The following ESR1 variants were observed in gnomAD, a reference collection of about 807,000 sequenced individuals.
The protein encoded by ESR1 is estrogen receptor.
A neutral mutation model predicts 52.7 loss-of-function variants in ESR1; 12 were observed. The observed-to-expected ratio is 0.23, with a 90% CI of 0.15 to 0.37. The LOEUF (loss-of-function observed/expected upper bound fraction) is 0.37. ESR1 is among the 10% of genes least tolerant of loss of function. The pLI, the probability that ESR1 is intolerant of heterozygous loss-of-function variation, is 1.00. For missense variants in ESR1, 584 were observed against 779.7 expected, an observed-to-expected ratio of 0.75 and a Z score of 2.99; for synonymous variants, 305 against 316.8, an observed-to-expected ratio of 0.96 and a Z score of 0.39.
chr6:151,777,788 C>A (rs1786153581), intron 2 of ESR1, among the ~76,000 whole-genome samples: 2 of 151,948 alleles, frequency 1.3e-5, no homozygotes, highest in African/African-American at 4.8e-5. Context: ...GGGGAAATCC[C>A]AACCCTACTA....
At chr6:152,078,370 TC>T (rs1327441802) in intron 6 of ESR1, among the ~76,000 whole-genome samples, 1 of 152,232 alleles carries the variant, frequency 6.6e-6, no homozygotes, top group Non-Finnish European at 1.5e-5. Context: ...GCCTTTCTTT[TC>T]ACAGAAAGCC....
rs2050886823 is a variant in ESR1 at position 152,099,527 on chromosome 6, T to A, written c.*561T>A. On this transcript the variant is annotated 3_prime_UTR_variant, in exon 8 of 8. Coordinates refer to ENST00000206249, the MANE Select transcript of ESR1 (RefSeq NM_000125.4). The stretch of plus-strand genomic sequence containing the variant: ...GCTTTTATATGACTGTAGCAGAGTA[T>A]CTGGTGATTGTCAATTCATTCCCCC... 1 of 245,698 alleles carries A rather than the reference T, an allele frequency of 4.1e-6. No individual in the cohort carries two copies. Among genetic ancestry groups the A allele is most frequent in the Admixed American group, 5.0e-5 (1 of 20,172 alleles). 15.2% of individuals were successfully genotyped at this position (245,698 alleles called of 1,614,324 possible). A position where few individuals can be genotyped will look rare whatever the true frequency, so the allele number is the denominator to read the frequency against.
rs755252032 is a variant in ESR1, at chr6:151,988,771, G to A, written c.1097-22885G>A. Among the ~76,000 whole-genome samples, 5 of 151,942 alleles carry A rather than the reference G, an allele frequency of 3.3e-5. No homozygotes were observed. The South Asian group carries it at 8.3e-4, about 25-fold the overall frequency. On this transcript the variant is annotated intron_variant, in intron 4 of 7. Transcript: ENST00000206249. The stretch of plus-strand genomic sequence containing the variant: ...CCTCCAAAAAGGATATATTTGCATC[G>A]GAGTTATATTTGTATATGAGTATAT...
At chr6:152,059,429 A>G (rs2047374340) in intron 5 of ESR1, among the ~76,000 whole-genome samples, 1 of 152,024 alleles carries the variant, frequency 6.6e-6, no homozygotes, top group Non-Finnish European at 1.5e-5. Flanking sequence ...AGAAAATACC[A>G]GGAACAACAT....
chr6:151,696,882 G>A (rs1197728668), intron 1 of ESR1, among the ~76,000 whole-genome samples: 1 of 152,154 alleles, frequency 6.6e-6, no homozygotes, highest in Non-Finnish European at 1.5e-5. Context: ...GGTAGGAAGC[G>A]ACTCTTGACC....
intron 3 of ESR1, among the ~76,000 whole-genome samples, chr6:151,916,346 A>G (rs958460995): frequency 6.6e-6 from 1 of 152,232 alleles, no homozygotes; most frequent in Admixed American, 6.5e-5. Flanking sequence ...GTTCAATTCA[A>G]TACATGAAAC....
chr6:151,861,852 C>T (rs1583760127), intron 2 of ESR1, among the ~76,000 whole-genome samples: 1 of 151,728 alleles, frequency 6.6e-6, no homozygotes, highest in Non-Finnish European at 1.5e-5. Flanking sequence ...GGATTTTTTG[C>T]GTAGGACCAA....
chr6:152,122,649 G>A (rs764225194), intron 6 of ESR1: 1 of 1,614,054 alleles, frequency 6.2e-7, no homozygotes, highest in East Asian at 2.2e-5. Context: ...GCTCAGAAAG[G>A]GAGGAATCGG....
In ESR1 at chr6:151,946,529, C is replaced by T. The variant is rs143943819; in HGVS notation, c.1096+2021C>T. On this transcript the variant is annotated intron_variant, in intron 4 of 7. Transcript: ENST00000206249. ...ATAGTTAAAATACAATTATTAAAGC[C>T]AGAGCTAGACAAAATTATGGCAATG... Among the ~76,000 whole-genome samples, 596 of 152,126 alleles carry T rather than the reference C, an allele frequency of 3.9e-3. 2 individuals carry two copies. The highest frequency in any genetic ancestry group is 0.014 in the African/African-American group (574 of 41,486).
intron 6 of ESR1, among the ~76,000 whole-genome samples, chr6:152,063,236 C>T (rs908138834): frequency 6.6e-6 from 1 of 152,174 alleles, no homozygotes; most frequent in Non-Finnish European, 1.5e-5. Flanking sequence ...CTTCTTTGCT[C>T]TTGAAGGGCA....
At chr6:152,022,163 G>C (rs2043714512) in intron 5 of ESR1, among the ~76,000 whole-genome samples, 1 of 152,156 alleles carries the variant, frequency 6.6e-6, no homozygotes. Context: ...GTGCAGTTGG[G>C]CCTGTGGATT....
intron 1 of ESR1, among the ~76,000 whole-genome samples, chr6:151,660,781 G>C (rs1442237072): frequency 6.6e-6 from 1 of 152,102 alleles, no homozygotes; most frequent in African/African-American, 2.4e-5. Flanking sequence ...TCACATATAT[G>C]TGCACATACA....
At chr6:152,074,099 A>G (rs1374704601) in intron 6 of ESR1, among the ~76,000 whole-genome samples, 4 of 152,206 alleles carry the variant, frequency 2.6e-5, no homozygotes, top group African/African-American at 7.2e-5. Flanking sequence ...GTTACAGCTG[A>G]TGAATCTACA....
chr6:151,856,372 T>C (rs1787835708), intron 2 of ESR1, among the ~76,000 whole-genome samples: 1 of 152,224 alleles, frequency 6.6e-6, no homozygotes, highest in South Asian at 2.1e-4. Context: ...CTTGATTTTC[T>C]TCCTCTGGCT....
chr6:151,663,453 G>A (rs796771107), intron 1 of ESR1, among the ~76,000 whole-genome samples: 9 of 152,302 alleles, frequency 5.9e-5, no homozygotes, highest in African/African-American at 2.2e-4. Flanking sequence ...GACTCAAACA[G>A]TTCTCTTAGA....
At chr6:151,767,656 A>G (rs1785172425) in intron 2 of ESR1, among the ~76,000 whole-genome samples, 1 of 152,216 alleles carries the variant, frequency 6.6e-6, no homozygotes, top group South Asian at 2.1e-4. Flanking sequence ...TATTGCTAAC[A>G]CTATTATAGC....
At chr6:151,735,029 T>G (rs1039167278) in intron 2 of ESR1, among the ~76,000 whole-genome samples, 2 of 152,206 alleles carry the variant, frequency 1.3e-5, no homozygotes, top group African/African-American at 4.8e-5. Context: ...TTTATTAAAA[T>G]CAAACATTAA....
Position 152,097,531 on chromosome 6 carries a change from T to G in ESR1, c.1554-1201T>G, listed in dbSNP as rs1188358333. 4.6e-5 allele frequency among the ~76,000 whole-genome samples: 7 copies of G among 152,280 alleles called. No homozygotes were observed. The East Asian group carries it at 1.4e-3, about 29-fold the overall frequency. ...TTTTCCCCTACTAAAAATGCAAATT[T>G]TTCTAAGACCTTCTCTTGGTCCTGC... On this transcript the variant is annotated intron_variant, in intron 7 of 7. Coordinates refer to ENST00000206249, the MANE Select transcript of ESR1 (RefSeq NM_000125.4).
At chr6:151,804,990 T>C (rs1489750608), upstream of ESR1, 1 of 152,258 alleles carries the variant, frequency 6.6e-6, no homozygotes, top group Non-Finnish European at 1.5e-5. Flanking sequence ...AAAATCAGTT[T>C]AAAACAAAGG....
Sources: gnomAD v4.1 joint callset for allele counts (sites outside exome capture counted in the v4.1 genomes callset) on GRCh38, gnomAD v4.1.1 for gene constraint, MANE v1.5 for transcripts, NCBI Gene and HGNC (gene_info 2026-07-23, HGNC 2026-07-21) for gene names.